The following PHLPP2 variants were observed in gnomAD, a reference collection of about 807,000 sequenced individuals.
PHLPP2 encodes the protein PH domain leucine-rich repeat-containing protein phosphatase 2.
PHLPP2 carries 66 observed loss-of-function variants against 124.9 expected under a neutral mutation model. The observed-to-expected ratio is 0.53, with a 90% CI of 0.43 to 0.65. PHLPP2 has a LOEUF of 0.65. Ranked by LOEUF, PHLPP2 falls within the 30% of genes least tolerant of loss-of-function variation. The pLI is 0.00. For missense variants in PHLPP2, 1,685 were observed against 1,600.4 expected (o/e 1.05, Z -0.90); for synonymous variants, 681 against 624.7 (o/e 1.09, Z -1.34).
intron 5 of PHLPP2, among the ~76,000 whole-genome samples, chr16:71,682,968 C>T (rs1034588258): frequency 1.2e-4 from 19 of 152,052 alleles, no homozygotes; most frequent in Admixed American, 6.6e-4. Flanking sequence ...GTCAGGAGTT[C>T]GAGACCAGCC....
chr16:71,679,879 G>C (rs999053024), intron 6 of PHLPP2, among the ~76,000 whole-genome samples: 1 of 152,122 alleles, frequency 6.6e-6, no homozygotes. Context: ...TTAGGAGATC[G>C]AGACCATTCT....
At chr16:71,685,013 A>G (rs1239370783) in intron 4 of PHLPP2, among the ~76,000 whole-genome samples, 1 of 152,148 alleles carries the variant, frequency 6.6e-6, no homozygotes, top group Admixed American at 6.5e-5. Flanking sequence ...GCAGGAATTC[A>G]CAGCACAAAA....
chr16:71,684,777 G>A lies in PHLPP2; in HGVS notation c.610-176C>T. On this transcript the variant is annotated intron_variant, in intron 4 of 18. Coordinates refer to ENST00000568954, the MANE Select transcript of PHLPP2 (RefSeq NM_015020.3). ...ATGGGTCACACATGAACACACCCAA[G>A]GAGTACACAATGATCCCAACACATT... 8.9e-6 allele frequency: 5 copies of A among 563,390 alleles called. No individual in the cohort carries two copies. The East Asian group carries it at 1.6e-4, about 18-fold the overall frequency. The allele number at this position is 563,390 out of a possible 1,614,324, so 34.9% of individuals were successfully genotyped here. A position where few individuals can be genotyped will look rare whatever the true frequency, so the allele number is the denominator to read the frequency against.
At chr16:71,702,990 C>A (rs2045246179) in intron 2 of PHLPP2, among the ~76,000 whole-genome samples, 1 of 152,132 alleles carries the variant, frequency 6.6e-6, no homozygotes, top group Admixed American at 6.5e-5. Context: ...TCTATTACCC[C>A]ACACTCTATT....
chr16:71,689,385 C>CTTTT (rs57755507), intron 4 of PHLPP2, among the ~76,000 whole-genome samples: 37 of 62,542 alleles, frequency 5.9e-4, no homozygotes, highest in Admixed American at 8.4e-4. Context: ...CTACACCTGG[C>CTTTT]TTTTTTTTTT....
At chr16:71,691,298 C>CA (rs1456091643) in intron 3 of PHLPP2, among the ~76,000 whole-genome samples, 8 of 151,730 alleles carry the variant, frequency 5.3e-5, no homozygotes, top group Admixed American at 1.3e-4. Flanking sequence ...ACTAAAAATA[C>CA]AAAAACAAAA....
At chr16:71,668,265 A>T (rs1334347600) in intron 11 of PHLPP2, among the ~76,000 whole-genome samples, 1 of 151,556 alleles carries the variant, frequency 6.6e-6, no homozygotes, top group Non-Finnish European at 1.5e-5. Context: ...ACAAAAAAAA[A>T]TTTAGCCGGG....
intron 5 of PHLPP2, among the ~76,000 whole-genome samples, chr16:71,682,824 AATATAAT>A (rs756103974): frequency 4.6e-5 from 7 of 152,226 alleles, no homozygotes; most frequent in Non-Finnish European, 1.0e-4. Context: ...ATAGTATGCT[AATATAAT>A]ATGGGTTATA....
intron 8 of PHLPP2, chr16:71,677,547 G>A (rs2044959087): frequency 6.8e-6 from 1 of 147,224 alleles, no homozygotes; most frequent in Non-Finnish European, 1.5e-5. Context: ...TTTCTACACA[G>A]GTGTATGATT....
At chr16:71,704,684 G>C (rs1482067319) in intron 2 of PHLPP2, among the ~76,000 whole-genome samples, 1 of 152,126 alleles carries the variant, frequency 6.6e-6, no homozygotes, top group Non-Finnish European at 1.5e-5. Flanking sequence ...TTGAATTAAA[G>C]AGAAATGGGA....
At chr16:71,658,154 C>G (rs1443596734) in intron 15 of PHLPP2, 79 bp downstream of exon 15, 2 of 1,189,524 alleles carry the variant, frequency 1.7e-6, no homozygotes, top group African/African-American at 3.1e-5. Flanking sequence ...TAATCAAGAT[C>G]TCCACAGTAC....
intron 3 of PHLPP2, among the ~76,000 whole-genome samples, chr16:71,700,834 T>A (rs866481259): frequency 1.3e-5 from 2 of 152,188 alleles, no homozygotes; most frequent in Admixed American, 1.3e-4. Context: ...CTGTGACTCA[T>A]TTCTTAATAA....
intron 17 of PHLPP2, among the ~76,000 whole-genome samples, chr16:71,653,312 C>T (rs1461145306): frequency 2.0e-5 from 3 of 152,022 alleles, no homozygotes; most frequent in African/African-American, 7.2e-5. Context: ...CAGGGGCTCT[C>T]AAACTTTAAC....
intron 6 of PHLPP2, among the ~76,000 whole-genome samples, chr16:71,679,778 T>C (rs1442216459): frequency 6.6e-6 from 1 of 152,136 alleles, no homozygotes; most frequent in Admixed American, 6.6e-5. Flanking sequence ...CTCTCTTTTC[T>C]CCTTAAAAAG....
At position 71,652,721 on chromosome 16, in the gene PHLPP2, A is replaced by G. The variant is rs892628417; in HGVS notation, c.2817+69T>C. 6.1e-6 allele frequency: 7 copies of G among 1,146,668 alleles called. No homozygotes were observed. In the African/African-American group the frequency reaches 1.1e-4, roughly 17 times the overall value. The allele number at this position is 1,146,668 out of a possible 1,614,324, so 71.0% of individuals were successfully genotyped here. The stretch of plus-strand genomic sequence containing the variant: ...CATGATAGGAAGAAAATGGGCCTTC[A>G]TCACCTCTACACAAAGCAGCCTCCA... On this transcript the variant is annotated intron_variant, in intron 18 of 18. Coordinates refer to ENST00000568954, the MANE Select transcript of PHLPP2 (RefSeq NM_015020.3).
chr16:71,704,562 C>T (rs1056445042), intron 2 of PHLPP2, among the ~76,000 whole-genome samples: 1 of 152,088 alleles, frequency 6.6e-6, no homozygotes, highest in East Asian at 1.9e-4. Context: ...CCTGGCCTCT[C>T]CTGACTGCTC....
chr16:71,660,656 G>A (rs962040154), intron 13 of PHLPP2, among the ~76,000 whole-genome samples: 1 of 151,760 alleles, frequency 6.6e-6, no homozygotes. Flanking sequence ...TGCCCACCTC[G>A]GCCTCCCAAA....
chr16:71,703,953 G>A (rs556846970), intron 2 of PHLPP2, among the ~76,000 whole-genome samples: 1 of 152,154 alleles, frequency 6.6e-6, no homozygotes, highest in African/African-American at 2.4e-5. Context: ...ACAACCAAAA[G>A]CAAGCACAGG....
intron 3 of PHLPP2, among the ~76,000 whole-genome samples, chr16:71,693,896 T>C (rs187556756): frequency 5.0e-4 from 76 of 152,272 alleles, no homozygotes; most frequent in African/African-American, 1.7e-3. Flanking sequence ...CATATATGTA[T>C]ATTAGTAAAA....
Sources: gnomAD v4.1 joint callset for allele counts (sites outside exome capture counted in the v4.1 genomes callset) on GRCh38, gnomAD v4.1.1 for gene constraint, MANE v1.5 for transcripts, NCBI Gene and HGNC (gene_info 2026-07-23, HGNC 2026-07-21) for gene names.